Variants in ASCC3 observed in about 807,000 individuals in gnomAD.
ASCC3 encodes the protein ASC-1 complex subunit P200.
Under a neutral mutation model 256.3 loss-of-function variants are expected in ASCC3, and 158 were observed. The ratio of observed to expected loss-of-function variants is 0.62; its 90% CI spans 0.54 to 0.70. The LOEUF (loss-of-function observed/expected upper bound fraction) is 0.70. ASCC3 is among the 30% of genes least tolerant of loss of function. ASCC3 has a pLI of 0.00. For missense variants in ASCC3, 2,259 were observed against 2,626.0 expected, an observed-to-expected ratio of 0.86 and a Z score of 3.05; for synonymous variants, 948 against 883.4, an observed-to-expected ratio of 1.07 and a Z score of -1.30.
At chr6:100,661,323 T>TCACACACA (rs749963143) in intron 16 of ASCC3, among the ~76,000 whole-genome samples, 5,436 of 141,562 alleles carry the variant, frequency 0.038, 176 homozygotes, top group Admixed American at 0.1. Flanking sequence ...AACACAAAAG[T>TCACACACA]CACACACACA....
At chr6:100,539,606 T>C (rs1775341635) in intron 37 of ASCC3, among the ~76,000 whole-genome samples, 1 of 152,160 alleles carries the variant, frequency 6.6e-6, no homozygotes, top group Non-Finnish European at 1.5e-5. Context: ...CATGCAAACT[T>C]TCTTAGTGTT....
chr6:100,748,718 GTAT>G (rs1246917675), intron 10 of ASCC3, among the ~76,000 whole-genome samples: 1 of 151,926 alleles, frequency 6.6e-6, no homozygotes, highest in African/African-American at 2.4e-5. Context: ...GAGAACTGAA[GTAT>G]TATATTTGAA....
chr6:100,699,862 G>GT (rs1292946553), intron 13 of ASCC3, among the ~76,000 whole-genome samples: 1 of 152,278 alleles, frequency 6.6e-6, no homozygotes, highest in East Asian at 1.9e-4. Context: ...ATGATTCAGG[G>GT]TATCTGCTGG....
intron 36 of ASCC3, among the ~76,000 whole-genome samples, chr6:100,569,522 A>G (rs902279295): frequency 6.6e-6 from 1 of 152,064 alleles, no homozygotes; most frequent in Admixed American, 6.5e-5. Context: ...AGCTGGGACT[A>G]CAGGACCCCA....
At chr6:100,807,820 C>A (rs765732067) in intron 4 of ASCC3, among the ~76,000 whole-genome samples, 1 of 151,606 alleles carries the variant, frequency 6.6e-6, no homozygotes, top group East Asian at 1.9e-4. Flanking sequence ...TAAAATTACT[C>A]CTACTATATA....
chr6:100,835,559 T>C (rs1471712433), intron 4 of ASCC3, among the ~76,000 whole-genome samples: 1 of 152,170 alleles, frequency 6.6e-6, no homozygotes, highest in East Asian at 1.9e-4. Flanking sequence ...CTTGGGACAT[T>C]TGTCAAAAAT....
At chr6:100,582,907 T>C (rs530894110) in intron 36 of ASCC3, among the ~76,000 whole-genome samples, 1 of 152,344 alleles carries the variant, frequency 6.6e-6, no homozygotes, top group Non-Finnish European at 1.5e-5. Flanking sequence ...TTGCGTATAT[T>C]GAACCAGCCT....
At position 100,724,148 on chromosome 6, in the gene ASCC3, C is replaced by CAA. The variant is rs574759618; in HGVS notation, c.1902+1389_1902+1390dup. ...CTGAGAAAGAGTAGCTACAAAAAAA[C>CAA]AAAAAAAAAAACAAAAAAAAACACA... On this transcript the variant is annotated intron_variant, in intron 11 of 41. Coordinates refer to ENST00000369162, the MANE Select transcript of ASCC3 (RefSeq NM_006828.4). 2.3e-3 allele frequency among the ~76,000 whole-genome samples: 294 copies of CAA among 126,338 alleles called. 1 individual carries two copies. The highest frequency in any genetic ancestry group is 4.4e-3 in the East Asian group (18 of 4,048). The allele number at this position is 126,338 out of a possible 152,430, so 82.9% of individuals were successfully genotyped here.
At chr6:100,784,379 C>T (rs973896073) in intron 8 of ASCC3, among the ~76,000 whole-genome samples, 2 of 151,846 alleles carry the variant, frequency 1.3e-5, no homozygotes, top group African/African-American at 4.8e-5. Context: ...AACCTAACTC[C>T]TAGACAAAAA....
intron 29 of ASCC3, among the ~76,000 whole-genome samples, 169 bp downstream of exon 29, chr6:100,627,421 G>A (rs1238763338): frequency 6.6e-6 from 1 of 152,046 alleles, no homozygotes; most frequent in Non-Finnish European, 1.5e-5. Context: ...ATCTTCACTA[G>A]GTAATTTAAC....
At position 100,627,494 on chromosome 6, in the gene ASCC3, G is replaced by A. The variant is rs962280591; in HGVS notation, c.4642+96C>T. On this transcript the variant is annotated intron_variant, in intron 29 of 41. Transcript: ENST00000369162. ...TTAGATATACGTAGAAGCTGGACCA[G>A]TATCATCCTTTCAAAGAAACCAACA... 8.0e-6 allele frequency: 12 copies of A among 1,495,628 alleles called. 1 individual carries two copies. The South Asian group carries it at 9.2e-5, about 11-fold the overall frequency. 92.6% of individuals were successfully genotyped at this position (1,495,628 alleles called of 1,614,324 possible).
chr6:100,510,896 G>A (rs1773727677), intron 40 of ASCC3, among the ~76,000 whole-genome samples: 1 of 152,120 alleles, frequency 6.6e-6, no homozygotes, highest in African/African-American at 2.4e-5. Flanking sequence ...GTATTCTAGA[G>A]GGAGATGTTT....
chr6:100,772,108 A>G (rs183516673), intron 8 of ASCC3, among the ~76,000 whole-genome samples: 1 of 151,856 alleles, frequency 6.6e-6, no homozygotes, highest in East Asian at 1.9e-4. Context: ...GTCTAGATTT[A>G]CTGACCTCGT....
At chr6:100,543,641 G>A (rs1236503245) in intron 36 of ASCC3, among the ~76,000 whole-genome samples, 1 of 151,694 alleles carries the variant, frequency 6.6e-6, no homozygotes, top group Non-Finnish European at 1.5e-5. Flanking sequence ...CTATAAAGGA[G>A]TCAATCAATC....
intron 30 of ASCC3, among the ~76,000 whole-genome samples, chr6:100,610,902 C>G (rs1284426656): frequency 1.3e-5 from 2 of 152,170 alleles, no homozygotes; most frequent in African/African-American, 4.8e-5. Context: ...ATTTACACTA[C>G]AAGGAACTAA....
intron 10 of ASCC3, among the ~76,000 whole-genome samples, chr6:100,741,253 G>A (rs1362583997): frequency 6.6e-6 from 1 of 152,176 alleles, no homozygotes; most frequent in Non-Finnish European, 1.5e-5. Flanking sequence ...GAGGTCTGCT[G>A]TTAGTCTGAT....
chr6:100,818,672 G>GA lies in ASCC3; in HGVS notation c.802-12793dup, dbSNP rs1350582499. ...CTTAACCCACTAAGATTAGAAATAAGAAAAAATAAGTCTGCGCTCACCACT... is the reference window on the plus strand; with the variant it reads ...CTTAACCCACTAAGATTAGAAATAAGAAAAAAATAAGTCTGCGCTCACCACT... On this transcript the variant is annotated intron_variant, in intron 4 of 41. Transcript: ENST00000369162. Among the ~76,000 whole-genome samples, 4 of 122,258 alleles carry GA rather than the reference G, an allele frequency of 3.3e-5. No homozygotes were observed. In the East Asian group the frequency reaches 1.0e-3, roughly 32 times the overall value. 80.2% of individuals were successfully genotyped at this position (122,258 alleles called of 152,430 possible).
At chr6:100,580,244 C>T (rs926571020) in intron 36 of ASCC3, among the ~76,000 whole-genome samples, 3 of 151,772 alleles carry the variant, frequency 2.0e-5, no homozygotes, top group South Asian at 2.1e-4. Context: ...CTACATAAAG[C>T]GTAAGAATTC....
intron 4 of ASCC3, among the ~76,000 whole-genome samples, chr6:100,845,163 G>A (rs1313517302): frequency 6.6e-6 from 1 of 152,052 alleles, no homozygotes; most frequent in African/African-American, 2.4e-5. Context: ...TGTGTACTTT[G>A]TCAGAATGTC....
Sources: gnomAD v4.1 joint callset for allele counts (sites outside exome capture counted in the v4.1 genomes callset) on GRCh38, gnomAD v4.1.1 for gene constraint, MANE v1.5 for transcripts, NCBI Gene and HGNC (gene_info 2026-07-23, HGNC 2026-07-21) for gene names.